ADAMTS9: variants seen among roughly 807,000 people sequenced by gnomAD.
ADAMTS9 encodes the protein ADAM metallopeptidase with thrombospondin type 1 motif 9.
In ADAMTS9, 107 loss-of-function variants were observed where a neutral mutation model predicts 257.1. That is an observed-to-expected ratio of 0.42 (90% CI 0.36 to 0.49). The LOEUF (loss-of-function observed/expected upper bound fraction) is 0.49. Among genes scored for constraint, ADAMTS9 ranks in the 20% least tolerant of loss-of-function variants. The pLI, the probability that ADAMTS9 is intolerant of heterozygous loss-of-function variation, is 0.03. For missense variants in ADAMTS9, 2,353 were observed against 2,469.1 expected, an observed-to-expected ratio of 0.95 and a Z score of 1.00; for synonymous variants, 982 against 880.9, an observed-to-expected ratio of 1.11 and a Z score of -2.03.
At chr3:64,525,383 A>G (rs2082898081) in intron 38 of ADAMTS9, among the ~76,000 whole-genome samples, 1 of 152,244 alleles carries the variant, frequency 6.6e-6, no homozygotes, top group South Asian at 2.1e-4. Context: ...CTGCGCCTGC[A>G]CAATATTGCA....
chr3:64,584,331 C>T (rs2084089119), intron 28 of ADAMTS9, among the ~76,000 whole-genome samples: 1 of 152,044 alleles, frequency 6.6e-6, no homozygotes, highest in Non-Finnish European at 1.5e-5. Flanking sequence ...GCACCATTCT[C>T]AGAGGCCTTT....
Position 64,516,545 on chromosome 3 carries a change from C to A in ADAMTS9, c.*582G>T, listed in dbSNP as rs2082777145. 1 of 152,524 alleles carries A rather than the reference C, an allele frequency of 6.6e-6. No individual in the cohort carries two copies. The highest frequency in any genetic ancestry group is 2.4e-5 in the African/African-American group (1 of 41,394). The allele number at this position is 152,524 out of a possible 1,614,324, so 9.4% of individuals were successfully genotyped here. On this transcript the variant is annotated 3_prime_UTR_variant, in exon 40 of 40. Coordinates refer to ENST00000498707, the MANE Select transcript of ADAMTS9 (RefSeq NM_182920.2). ...CATTTAAATACATACAATATTAGCACCAAGGCAGCATATTTTTTTCCCAGA... is the reference window on the plus strand; with the variant it reads ...CATTTAAATACATACAATATTAGCAACAAGGCAGCATATTTTTTTCCCAGA...
Position 64,619,235 on chromosome 3 carries a change from G to C in ADAMTS9, c.2813+1879C>G, listed in dbSNP as rs559393433. On this transcript the variant is annotated intron_variant, in intron 19 of 39. Transcript: ENST00000498707. ...TATAATCAGAGACTCAACCAGTCTC[G>C]TTCTGATTCAATCAGTGGAGAAAAA... Among the ~76,000 whole-genome samples the C allele has an allele frequency of 2.6e-5, 4 of 152,162 alleles. No homozygotes were observed. The East Asian group carries it at 7.7e-4, about 29-fold the overall frequency.
chr3:64,673,453 A>G (rs1701539786), intron 3 of ADAMTS9, among the ~76,000 whole-genome samples: 1 of 152,196 alleles, frequency 6.6e-6, no homozygotes, highest in Admixed American at 6.5e-5. Flanking sequence ...GAAGGGAAAA[A>G]GGGGCTATAT....
intron 28 of ADAMTS9, among the ~76,000 whole-genome samples, chr3:64,573,875 G>C (rs1446674769): frequency 3.3e-5 from 5 of 152,202 alleles, no homozygotes. Context: ...CAAGGATATA[G>C]ATTTAGTGAT....
Position 64,590,837 on chromosome 3 carries a change from C to T in ADAMTS9, c.4356+3421G>A, listed in dbSNP as rs142018217. ...GTTTGTCATGAAAAACCCGAACAAG[C>T]AATTTCTCCTAAGGAGAAGCACAGT... On this transcript the variant is annotated intron_variant, in intron 28 of 39. Transcript: ENST00000498707. Among the ~76,000 whole-genome samples, 418 of 152,212 alleles carry T rather than the reference C, an allele frequency of 2.7e-3. 9 individuals are homozygous for T. In the East Asian group the frequency reaches 0.039, roughly 14 times the overall value.
At chr3:64,542,070 G>C (rs1199607279) in intron 32 of ADAMTS9, 100 bp from the exon 33 acceptor site, 1 of 1,495,196 alleles carries the variant, frequency 6.7e-7, no homozygotes, top group East Asian at 2.3e-5. Context: ...CATGTACAGG[G>C]TGTCACTTCA....
At chr3:64,561,809 GGGGGTGTCGA>G in intron 29 of ADAMTS9, 58 bp from the exon 30 acceptor site, 2 of 1,228,684 alleles carry the variant, frequency 1.6e-6, no homozygotes, top group African/African-American at 1.6e-5. Context: ...TGGGGGGGCG[GGGGGTGTCGA>G]GGGTCACAGA....
At chr3:64,638,851 G>C (rs1700566393) in intron 12 of ADAMTS9, among the ~76,000 whole-genome samples, 1 of 151,648 alleles carries the variant, frequency 6.6e-6, no homozygotes, top group African/African-American at 2.4e-5. Flanking sequence ...ATACACTCTT[G>C]AATCAGATAA....
At chr3:64,683,200 T>C (rs1289386164) in intron 2 of ADAMTS9, among the ~76,000 whole-genome samples, 5 of 152,174 alleles carry the variant, frequency 3.3e-5, no homozygotes, top group African/African-American at 1.2e-4. Flanking sequence ...ACATGAGTCC[T>C]GGGAAAGAGC....
rs1268789073 is a variant in ADAMTS9, at chr3:64,658,580, G to A, written c.891C>T (p.Val297=). 2 of 1,614,122 alleles carry A rather than the reference G, an allele frequency of 1.2e-6. No individual in the cohort carries two copies. The highest frequency in any genetic ancestry group is 3.3e-5 in the Admixed American group (2 of 60,016). ...RFLSYPRFVE[V]LVVADNRMVS... is the part of the protein sequence containing the mutation. ...CCATTCTGTTGTCTGCCACCACCAA[G>A]ACTTCTACAAACCGTGGATAGGATA... The change falls in exon 4 of 40, where the codon GTC becomes GTT. Residue 297 remains valine (V), a synonymous_variant. Transcript: ENST00000498707.
chr3:64,644,987 G>A (rs1020295657), intron 11 of ADAMTS9, among the ~76,000 whole-genome samples: 2 of 152,188 alleles, frequency 1.3e-5, no homozygotes, highest in African/African-American at 4.8e-5. Context: ...ATTGACAGGT[G>A]TCCAAAAGAA....
At chr3:64,665,995 A>T (rs2039193508) in intron 3 of ADAMTS9, among the ~76,000 whole-genome samples, 1 of 152,228 alleles carries the variant, frequency 6.6e-6, no homozygotes, top group Admixed American at 6.5e-5. Flanking sequence ...ACTGGGCTAG[A>T]TAAGTTGAAA....
At position 64,686,386 on chromosome 3, in the gene ADAMTS9, G is replaced by A. The variant is rs982384931; in HGVS notation, c.516+182C>T. The stretch of plus-strand genomic sequence containing the variant: ...CTGGGGGCGGGTGTGTGCGCTCCAC[G>A]CCAGTGTACTCGCACGCACAGAGCT... On this transcript the variant is annotated intron_variant, in intron 2 of 39. Coordinates refer to ENST00000498707, the MANE Select transcript of ADAMTS9 (RefSeq NM_182920.2). This position sits in a 1 kb window ranked among gnomAD's most constrained non-coding sequence, Gnocchi z 4.6. 6.6e-6 allele frequency among the ~76,000 whole-genome samples: 1 copy of A among 152,260 alleles called. No individual in the cohort carries two copies. The highest frequency in any genetic ancestry group is 1.5e-5 in the Non-Finnish European group (1 of 68,050).
intron 14 of ADAMTS9, 134 bp downstream of exon 14, chr3:64,633,338 C>T (rs921129565): frequency 1.7e-5 from 23 of 1,342,290 alleles, no homozygotes; most frequent in Admixed American, 1.3e-4. Flanking sequence ...TTGCTGATCC[C>T]GGGGCCACAC....
chr3:64,534,669 G>T (rs764114145), intron 37 of ADAMTS9, among the ~76,000 whole-genome samples: 1 of 152,132 alleles, frequency 6.6e-6, no homozygotes, highest in African/African-American at 2.4e-5. Context: ...AGATAGAGGT[G>T]ACCAGAGGAC....
At chr3:64,566,356 T>A (rs939751736) in intron 29 of ADAMTS9, among the ~76,000 whole-genome samples, 2 of 152,246 alleles carry the variant, frequency 1.3e-5, no homozygotes, top group East Asian at 3.8e-4. Context: ...TCTTATTTAT[T>A]TCTACAAATC....
In ADAMTS9 at chr3:64,564,957, G is replaced by A. The variant is rs1190301628; in HGVS notation, c.4525-3206C>T. Among the ~76,000 whole-genome samples the A allele has an allele frequency of 2.0e-5, 3 of 152,186 alleles. No homozygotes were observed. In the East Asian group the frequency reaches 5.8e-4, roughly 29 times the overall value. On this transcript the variant is annotated intron_variant, in intron 29 of 39. Transcript: ENST00000498707. ...TCTTAGACAAGGTAGCATAGCTACTGCGAATGTGCGTTTGCGATCCCAGTT... is the reference window on the plus strand; with the variant it reads ...TCTTAGACAAGGTAGCATAGCTACTACGAATGTGCGTTTGCGATCCCAGTT...
At chr3:64,648,109 A>C in intron 10 of ADAMTS9, 65 bp from the exon 11 acceptor site, 1 of 1,457,912 alleles carries the variant, frequency 6.9e-7, no homozygotes, top group South Asian at 1.2e-5. Flanking sequence ...CAAACAAAGC[A>C]AAGCTTGCTT....
Sources: gnomAD v4.1 joint callset for allele counts (sites outside exome capture counted in the v4.1 genomes callset) on GRCh38, gnomAD v4.1.1 for gene constraint, Gnocchi (gnomAD v3.1) non-coding constraint, MANE v1.5 for transcripts, NCBI Gene and HGNC (gene_info 2026-07-23, HGNC 2026-07-21) for gene names.